ERC2: variants seen among roughly 807,000 people sequenced by gnomAD.
The protein encoded by ERC2 is ELKS/RAB6-interacting/CAST family member 2, also known as ERC protein 2.
ERC2 carries 42 observed loss-of-function variants against 114.8 expected under a neutral mutation model. The observed-to-expected ratio is 0.37, with a 90% confidence interval of 0.29 to 0.47. The LOEUF is 0.47. ERC2 is among the 20% of genes least tolerant of loss of function. The pLI is 0.99. For synonymous variants in ERC2, 454 were observed against 425.5 expected (o/e 1.07, Z -0.82); for missense variants, 939 against 1,150.7 (o/e 0.82, Z 2.66).
intron 17 of ERC2, among the ~76,000 whole-genome samples, chr3:55,575,254 G>A (rs1164381015): frequency 6.6e-6 from 1 of 152,164 alleles, no homozygotes; most frequent in Non-Finnish European, 1.5e-5. Context: ...CTGACCTCAA[G>A]TGATCTGCTC....
chr3:56,408,286 T>A (rs559991738), intron 2 of ERC2, among the ~76,000 whole-genome samples: 1 of 152,256 alleles, frequency 6.6e-6, no homozygotes, highest in South Asian at 2.1e-4. Context: ...AATCCTGAGG[T>A]AGGCACAATT....
intron 17 of ERC2, among the ~76,000 whole-genome samples, chr3:55,557,540 C>T (rs1476168044): frequency 6.6e-6 from 1 of 152,232 alleles, no homozygotes; most frequent in Non-Finnish European, 1.5e-5. Context: ...TTGGGGGAAT[C>T]CTTTATATAT....
chr3:55,556,194 G>A (rs2107454247), intron 17 of ERC2, among the ~76,000 whole-genome samples: 1 of 152,270 alleles, frequency 6.6e-6, no homozygotes, highest in African/African-American at 2.4e-5. Context: ...TAAAAATCAG[G>A]GGATTTCCTT....
intron 7 of ERC2, among the ~76,000 whole-genome samples, chr3:56,058,772 T>C (rs2076119892): frequency 6.6e-6 from 1 of 152,222 alleles, no homozygotes; most frequent in South Asian, 2.1e-4. Context: ...TTCCTGGGTC[T>C]CCAGCCTGCC....
intron 12 of ERC2, among the ~76,000 whole-genome samples, chr3:55,970,123 T>C (rs1477663122): frequency 6.6e-6 from 1 of 152,210 alleles, no homozygotes; most frequent in Admixed American, 6.5e-5. Flanking sequence ...TTTTAAAGTT[T>C]TGGCAAAATG....
intron 7 of ERC2, among the ~76,000 whole-genome samples, chr3:56,053,831 C>T (rs995457594): frequency 1.3e-5 from 2 of 152,004 alleles, no homozygotes; most frequent in South Asian, 4.1e-4. Flanking sequence ...CCAGCCTAAC[C>T]CTTAAAACCA....
chr3:56,203,849 G>A (rs2048545098), intron 3 of ERC2, among the ~76,000 whole-genome samples: 1 of 152,192 alleles, frequency 6.6e-6, no homozygotes, highest in Non-Finnish European at 1.5e-5. Context: ...ACCACCTTGT[G>A]CAGAGGACCT....
chr3:56,102,398 G>A (rs969501790), intron 6 of ERC2, among the ~76,000 whole-genome samples: 3 of 152,112 alleles, frequency 2.0e-5, no homozygotes, highest in African/African-American at 7.2e-5. Flanking sequence ...AACTTATTTT[G>A]ATATCTTTAA....
chr3:55,633,274 T>A (rs568788748), intron 17 of ERC2, among the ~76,000 whole-genome samples: 1 of 152,280 alleles, frequency 6.6e-6, no homozygotes, highest in South Asian at 2.1e-4. Context: ...AGAGAATGCA[T>A]TCCATAATGT....
intron 2 of ERC2, among the ~76,000 whole-genome samples, chr3:56,343,720 T>C (rs1421343098): frequency 1.3e-5 from 2 of 152,236 alleles, no homozygotes; most frequent in Non-Finnish European, 2.9e-5. Context: ...GTCTGGCTTC[T>C]AGTAAGTGCA....
At chr3:55,683,551 G>A (rs1011483986) in intron 17 of ERC2, among the ~76,000 whole-genome samples, 3 of 152,076 alleles carry the variant, frequency 2.0e-5, no homozygotes, top group Non-Finnish European at 4.4e-5. Context: ...AGAAACATTT[G>A]AATCGTGCTA....
chr3:55,840,964 A>T (rs572691255), intron 14 of ERC2, among the ~76,000 whole-genome samples: 1 of 152,280 alleles, frequency 6.6e-6, no homozygotes, highest in East Asian at 1.9e-4. Context: ...TAGAGGGGTC[A>T]TGGAGAGGTA....
intron 14 of ERC2, among the ~76,000 whole-genome samples, chr3:55,878,505 C>T (rs899756727): frequency 6.6e-6 from 1 of 152,180 alleles, no homozygotes; most frequent in African/African-American, 2.4e-5. Flanking sequence ...TGCCACCATT[C>T]CCACACTTGA....
chr3:55,752,070 A>G (rs2066738194), intron 14 of ERC2, among the ~76,000 whole-genome samples: 1 of 152,218 alleles, frequency 6.6e-6, no homozygotes, highest in South Asian at 2.1e-4. Flanking sequence ...TTACAGAATA[A>G]CTTTGTTACA....
At chr3:56,098,623 T>G (rs777820804) in intron 6 of ERC2, among the ~76,000 whole-genome samples, 8 of 152,196 alleles carry the variant, frequency 5.3e-5, no homozygotes, top group Non-Finnish European at 1.0e-4. Flanking sequence ...AAGTGCTCTG[T>G]TTATCATCTT....
chr3:56,407,664 C>A (rs1055804001), intron 2 of ERC2, among the ~76,000 whole-genome samples: 1 of 152,120 alleles, frequency 6.6e-6, no homozygotes, highest in Admixed American at 6.5e-5. Context: ...TTCTAACAAG[C>A]CAAGAGCAGT....
intron 14 of ERC2, among the ~76,000 whole-genome samples, chr3:55,745,321 T>A: frequency 6.6e-6 from 1 of 152,204 alleles, no homozygotes; most frequent in East Asian, 1.9e-4. Flanking sequence ...TTTAAGAAAC[T>A]GAGAAATGGA....
At chr3:55,922,060 C>T (rs1484288768) in intron 13 of ERC2, among the ~76,000 whole-genome samples, 9 of 152,284 alleles carry the variant, frequency 5.9e-5, no homozygotes, top group Non-Finnish European at 7.4e-5. Flanking sequence ...GACATACCTC[C>T]TCCAGTCACT....
chr3:55,903,108 T>TTATATATTATAGGTGAA, intron 13 of ERC2, among the ~76,000 whole-genome samples: 1 of 152,228 alleles, frequency 6.6e-6, no homozygotes, highest in East Asian at 1.9e-4. Context: ...CCATTTATAT[T>TTATATATTATAGGTGAA]CACCTATTAA....
Sources: gnomAD v4.1 joint callset for allele counts (sites outside exome capture counted in the v4.1 genomes callset) on GRCh38, gnomAD v4.1.1 for gene constraint, MANE v1.5 for transcripts, NCBI Gene and HGNC (gene_info 2026-07-23, HGNC 2026-07-21) for gene names.